The following CEP68 variants were observed in gnomAD, a reference collection of about 807,000 sequenced individuals.
CEP68 encodes the protein centrosomal protein of 68 kDa.
A neutral mutation model predicts 55.3 loss-of-function variants in CEP68; 26 were observed. That is an observed-to-expected ratio of 0.47 (90% CI 0.34 to 0.65). CEP68 has a LOEUF of 0.65. Ranked by LOEUF, CEP68 falls within the 30% of genes least tolerant of loss-of-function variation. The pLI, the probability that CEP68 is intolerant of heterozygous loss-of-function variation, is 0.01. For synonymous variants in CEP68, 402 were observed against 383.2 expected, an observed-to-expected ratio of 1.05 and a Z score of -0.57; for missense variants, 957 against 946.7, an observed-to-expected ratio of 1.01 and a Z score of -0.14.
At chr2:65,083,282 CTT>C (rs562223005) in intron 6 of CEP68, among the ~76,000 whole-genome samples, 16 of 152,328 alleles carry the variant, frequency 1.1e-4, no homozygotes, top group African/African-American at 3.8e-4. Context: ...ACCTTGGAGA[CTT>C]AACTGGTAGT....
intron 5 of CEP68, among the ~76,000 whole-genome samples, chr2:65,078,850 G>A (rs1676883328): frequency 6.6e-6 from 1 of 152,222 alleles, no homozygotes; most frequent in Non-Finnish European, 1.5e-5. Flanking sequence ...AGCCACTTGA[G>A]CCCATTTTGT....
chr2:65,057,229 C>T (rs1379745331), intron 1 of CEP68, among the ~76,000 whole-genome samples: 1 of 152,162 alleles, frequency 6.6e-6, no homozygotes, highest in Non-Finnish European at 1.5e-5. Flanking sequence ...GCAGATTGGA[C>T]CTCACTGGGA....
chr2:65,066,726 C>A (rs1311128282), intron 1 of CEP68, among the ~76,000 whole-genome samples: 143 of 43,214 alleles, frequency 3.3e-3, no homozygotes, highest in Middle Eastern at 0.023. Flanking sequence ...GACTCTGTCT[C>A]AAAAAAAAAA....
chr2:65,074,182 C>G, intron 3 of CEP68, 100 bp from the exon 4 acceptor site: 1 of 1,416,360 alleles, frequency 7.1e-7, no homozygotes, highest in East Asian at 2.3e-5. Context: ...ACTGAAGGTG[C>G]ACAGTCTGTC....
Position 65,086,914 on chromosome 2 carries a change from T to C in CEP68, c.*3280T>C, listed in dbSNP as rs1558573726. On this transcript the variant is annotated 3_prime_UTR_variant, in exon 7 of 7. Transcript: ENST00000377990. ...CATAGATGGAAAATTGAATATTCTG[T>C]CCATTTCATTTTACAATTATCTTAC... 1 of 152,618 alleles carries C rather than the reference T, an allele frequency of 6.6e-6. No homozygotes were observed. 9.5% of individuals were successfully genotyped at this position (152,618 alleles called of 1,614,324 possible).
chr2:65,069,425 G>C lies in CEP68; in HGVS notation c.-20G>C. The C allele has an allele frequency of 6.7e-7, 1 of 1,491,666 alleles. No homozygotes were observed. The highest frequency in any genetic ancestry group is 9.0e-7 in the Non-Finnish European group (1 of 1,116,566). 92.4% of individuals were successfully genotyped at this position (1,491,666 alleles called of 1,614,324 possible). On this transcript the variant is annotated 5_prime_UTR_variant, in exon 2 of 7. Coordinates refer to ENST00000377990, the MANE Select transcript of CEP68 (RefSeq NM_015147.3). ...AAGCTGAAGTCTTCAGCAGAACCCT[G>C]ACCTAGGTAGGGAGTCTCAATGGCC...
intron 1 of CEP68, 31 bp from the exon 2 acceptor site, chr2:65,069,368 A>G (rs2103767718): frequency 1.8e-6 from 2 of 1,115,380 alleles, no homozygotes; most frequent in Middle Eastern, 2.1e-4. Context: ...TAGAAGATTT[A>G]TATTTTTCTC....
chr2:65,067,122 G>T (rs1342241357), intron 1 of CEP68, among the ~76,000 whole-genome samples: 1 of 151,850 alleles, frequency 6.6e-6, no homozygotes, highest in Non-Finnish European at 1.5e-5. Context: ...AGTGGCTTAT[G>T]CCTATAATCC....
rs939207841 is a variant in CEP68, at chr2:65,086,517, A to C, written c.*2883A>C. 6.6e-6 allele frequency: 1 copy of C among 152,252 alleles called. No individual in the cohort carries two copies. The highest frequency in any genetic ancestry group is 2.1e-4 in the South Asian group (1 of 4,830). 9.4% of individuals were successfully genotyped at this position (152,252 alleles called of 1,614,324 possible). On this transcript the variant is annotated 3_prime_UTR_variant, in exon 7 of 7. Transcript: ENST00000377990. ...AATCTTTACTGCCATGGGGAAAAGA[A>C]CGCTGGAATTTTCCAAACTTAAGTC...
At chr2:65,064,081 C>T (rs181133794) in intron 1 of CEP68, among the ~76,000 whole-genome samples, 8 of 152,300 alleles carry the variant, frequency 5.3e-5, no homozygotes, top group East Asian at 1.9e-4. Flanking sequence ...TCTTTACAGA[C>T]GTACAATTTC....
At chr2:65,064,444 C>G (rs567605752) in intron 1 of CEP68, among the ~76,000 whole-genome samples, 5 of 152,118 alleles carry the variant, frequency 3.3e-5, no homozygotes, top group Admixed American at 2.6e-4. Context: ...TTTTAGAAAT[C>G]GAGCAAGAGG....
rs775588812 is a variant in CEP68, at chr2:65,072,258, G to A, written c.1162G>A (p.Gly388Ser). The A allele has an allele frequency of 1.4e-5, 22 of 1,614,130 alleles. No homozygotes were observed. Among genetic ancestry groups the A allele is most frequent in the East Asian group, 2.2e-5 (1 of 44,874 alleles). The stretch of plus-strand genomic sequence containing the variant: ...CTCCAGAGTACCCCAGAAACAGGGT[G>A]GCATGGGCTTGGCATCTTGGAGCCA... ...WPSRVPQKQG[G>S]MGLASWSQLA... is the part of the protein sequence containing the mutation. Residue 388 changes from glycine to serine, a missense_variant, in exon 3 of 7, where the codon GGC becomes AGC. Transcript: ENST00000377990.
rs900762919 is a variant in CEP68 at position 65,072,519 on chromosome 2, G to A, written c.1423G>A (p.Glu475Lys). 6.2e-7 allele frequency: 1 copy of A among 1,614,024 alleles called. No homozygotes were observed. Among genetic ancestry groups the A allele is most frequent in the Non-Finnish European group, 8.5e-7 (1 of 1,180,010 alleles). The change falls in exon 3 of 7, where the codon GAA becomes AAA. Residue 475 changes from glutamate to lysine, a missense_variant. By Grantham distance (56) the Glu-to-Lys change is moderately conservative (BLOSUM62 1). Transcript: ENST00000377990. ...AGAGTCTAGGTGGAAATCAGAAGAGGAAGTGGAAAGTGATGACGAGTATCT... is the reference window on the plus strand; with the variant it reads ...AGAGTCTAGGTGGAAATCAGAAGAGAAAGTGGAAAGTGATGACGAGTATCT... Reference protein sequence around the residue: ...CTESRWKSEEEVESDDEYLAL... With the variant: ...CTESRWKSEEKVESDDEYLAL...
chr2:65,068,382 T>C (rs1676297259), intron 1 of CEP68, among the ~76,000 whole-genome samples: 1 of 152,198 alleles, frequency 6.6e-6, no homozygotes. Context: ...GCTCGGCCTG[T>C]GCTCCCTCGC....
At position 65,072,902 on chromosome 2, in the gene CEP68, C is replaced by G. The variant is rs541297310; in HGVS notation, c.1806C>G (p.Phe602Leu). The change falls in exon 3 of 7, where the codon TTC becomes TTG. Residue 602 changes from phenylalanine (F) to leucine (L), a missense_variant. Physicochemically the swap from Phe to Leu is conservative, Grantham distance 22. Coordinates refer to ENST00000377990, the MANE Select transcript of CEP68 (RefSeq NM_015147.3). ...CAGCTAGGTTGGACCGGTGGCCATT[C>G]TCAGACCCAGATGTTGAAGGGCAGC... ...SLPARLDRWP[F>L]SDPDVEGQLP... 6 of 1,614,064 alleles carry G rather than the reference C, an allele frequency of 3.7e-6. No individual in the cohort carries two copies. In the African/African-American group the frequency reaches 6.7e-5, roughly 18 times the overall value.
chr2:65,077,346 G>A (rs1424016825), intron 4 of CEP68, among the ~76,000 whole-genome samples: 2 of 152,150 alleles, frequency 1.3e-5, no homozygotes, highest in Non-Finnish European at 2.9e-5. Flanking sequence ...CACCAGCTCG[G>A]TAGCCAAGAG....
chr2:65,080,097 C>T (rs1429080100), intron 5 of CEP68, among the ~76,000 whole-genome samples: 7 of 151,624 alleles, frequency 4.6e-5, no homozygotes, highest in African/African-American at 1.7e-4. Context: ...TGCGCCATTG[C>T]ACTCCAGCCT....
rs919570720 is a variant in CEP68, at chr2:65,061,246, G to A, written c.-47+4718G>A. Among the ~76,000 whole-genome samples the A allele has an allele frequency of 4.6e-5, 7 of 152,184 alleles. No individual in the cohort carries two copies. In the East Asian group the frequency reaches 5.8e-4, roughly 13 times the overall value. ...ATGAGAACATTGGCCTTGCTGGGAG[G>A]CTGTCTGGTAGCCCTGGTCAGTCAG... On this transcript the variant is annotated intron_variant, in intron 1 of 6. Coordinates refer to ENST00000377990, the MANE Select transcript of CEP68 (RefSeq NM_015147.3).
chr2:65,083,384 G>GCTA (rs1668926205), intron 6 of CEP68, among the ~76,000 whole-genome samples: 1 of 152,230 alleles, frequency 6.6e-6, no homozygotes, highest in Non-Finnish European at 1.5e-5. Flanking sequence ...CCACAGAGTT[G>GCTA]CTACTGCCAA....
Sources: gnomAD v4.1 joint callset for allele counts (sites outside exome capture counted in the v4.1 genomes callset) on GRCh38, gnomAD v4.1.1 for gene constraint, MANE v1.5 for transcripts, NCBI Gene and HGNC (gene_info 2026-07-23, HGNC 2026-07-21) for gene names.